Variants in PCDHA4 observed in about 807,000 individuals in gnomAD.
The protein encoded by PCDHA4 is protocadherin alpha-4.
PCDHA4 carries 49 observed loss-of-function variants against 61.4 expected under a neutral mutation model. That is an observed-to-expected ratio of 0.80 (90% CI 0.63 to 1.01). PCDHA4 has a LOEUF of 1.01. PCDHA4 is among the 50% of genes least tolerant of loss of function. PCDHA4 has a pLI of 0.00. For synonymous variants in PCDHA4, 590 were observed against 550.3 expected (o/e 1.07, Z -1.01); for missense variants, 1,254 against 1,235.8 (o/e 1.01, Z -0.22).
intron 1 of PCDHA4, among the ~76,000 whole-genome samples, chr5:140,935,451 T>C (rs2090381894): frequency 6.6e-6 from 1 of 152,232 alleles, no homozygotes; most frequent in African/African-American, 2.4e-5. Context: ...AATATGATAC[T>C]GTAGCAGTTT....
At chr5:140,956,297 G>A (rs1449094533) in intron 1 of PCDHA4, among the ~76,000 whole-genome samples, 1 of 151,928 alleles carries the variant, frequency 6.6e-6, no homozygotes, top group African/African-American at 2.4e-5. Context: ...TCATATATAT[G>A]GCTCTTATTA....
At chr5:140,861,303 GA>G in intron 1 of PCDHA4, 1 of 189,594 alleles carries the variant, frequency 5.3e-6, no homozygotes. Context: ...TGTGAAGCGG[GA>G]AAGGACCAGT....
intron 1 of PCDHA4, chr5:140,883,909 C>T: frequency 6.2e-7 from 1 of 1,613,472 alleles, no homozygotes; most frequent in Non-Finnish European, 8.5e-7. Flanking sequence ...CTCTGGGCAG[C>T]AACGTGACGC....
chr5:140,898,206 T>G (rs1554187858), intron 1 of PCDHA4, among the ~76,000 whole-genome samples: 2 of 152,214 alleles, frequency 1.3e-5, no homozygotes. Context: ...AGATCCCATT[T>G]GTCAATTTTG....
rs782133260 is a variant in PCDHA4 at position 140,856,504 on chromosome 5, A to G, written c.2385+46932A>G. 3.8e-6 allele frequency: 6 copies of G among 1,598,348 alleles called. 1 individual carries two copies. The highest frequency in any genetic ancestry group is 8.6e-7 in the Non-Finnish European group (1 of 1,167,852). ...CCAGACTGCTTGACTCTCGATTTCC[A>G]CTAGAAGGCGCATCTGATGCGGATG... On this transcript the variant is annotated intron_variant, in intron 1 of 3. Transcript: ENST00000530339.
chr5:140,928,219 C>T (rs2153594773), intron 1 of PCDHA4: 1 of 1,614,166 alleles, frequency 6.2e-7, no homozygotes, highest in African/African-American at 1.3e-5. Flanking sequence ...TGACAATACA[C>T]CAAACTTTCC....
At chr5:140,928,034 G>A in intron 1 of PCDHA4, 1 of 1,614,206 alleles carries the variant, frequency 6.2e-7, no homozygotes, top group South Asian at 1.1e-5. Flanking sequence ...GGCATGTCTA[G>A]TGCAGGCCCT....
intron 1 of PCDHA4, chr5:140,860,073 G>A (rs1441059020): frequency 4.0e-5 from 6 of 151,782 alleles, no homozygotes; most frequent in African/African-American, 1.5e-4. Flanking sequence ...AGGATGGTTT[G>A]AGGCCAGGAG....
At chr5:140,954,237 A>G (rs1442141242) in intron 1 of PCDHA4, among the ~76,000 whole-genome samples, 14 of 152,338 alleles carry the variant, frequency 9.2e-5, no homozygotes, top group Middle Eastern at 3.4e-3. Flanking sequence ...TAGTGCTGCA[A>G]TGAACATACA....
chr5:141,001,130 T>C (rs1233424080), intron 3 of PCDHA4, among the ~76,000 whole-genome samples: 1 of 152,036 alleles, frequency 6.6e-6, no homozygotes, highest in African/African-American at 2.4e-5. Context: ...CTTAAACAAA[T>C]GAATCTTCTG....
intron 3 of PCDHA4, among the ~76,000 whole-genome samples, chr5:141,005,360 A>G (rs1215157808): frequency 6.6e-6 from 1 of 152,184 alleles, no homozygotes; most frequent in Non-Finnish European, 1.5e-5. Flanking sequence ...TAGGAATGTC[A>G]TAGAATGCCT....
rs1554217734 is a variant in PCDHA4 at position 140,946,611 on chromosome 5, A to AATATATATATATATATATATATATATAT, written c.2386-32317_2386-32316insTATATATATATATATATATATATATATA. Among the ~76,000 whole-genome samples, 579 of 86,182 alleles carry AATATATATATATATATATATATATATAT rather than the reference A, an allele frequency of 6.7e-3. 16 individuals are homozygous for AATATATATATATATATATATATATATAT. The highest frequency in any genetic ancestry group is 0.011 in the Middle Eastern group (2 of 184). 56.5% of individuals were successfully genotyped at this position (86,182 alleles called of 152,430 possible). A position where few individuals can be genotyped will look rare whatever the true frequency, so the allele number is the denominator to read the frequency against. On this transcript the variant is annotated intron_variant, in intron 1 of 3. Transcript: ENST00000530339. ...GGATGAATAGATAAAGAAAATGTGA[A>AATATATATATATATATATATATATATAT]ATATATATATATATATATATACAAT...
chr5:140,998,908 G>A (rs1203319313), intron 3 of PCDHA4, among the ~76,000 whole-genome samples: 2 of 152,162 alleles, frequency 1.3e-5, no homozygotes, highest in East Asian at 1.9e-4. Context: ...CCTCCGGGAG[G>A]TAGCTATTAT....
At chr5:140,844,885 T>C (rs1288231752) in intron 1 of PCDHA4, among the ~76,000 whole-genome samples, 1 of 149,522 alleles carries the variant, frequency 6.7e-6, no homozygotes, top group Non-Finnish European at 1.5e-5. Flanking sequence ...TTAGACTTCG[T>C]GCATATTGCT....
At chr5:140,822,339 G>A (rs1347495985) in intron 1 of PCDHA4, 6 of 1,613,926 alleles carry the variant, frequency 3.7e-6, no homozygotes, top group Non-Finnish European at 4.2e-6. Flanking sequence ...AAGAAGAAAC[G>A]AACTTTTTAG....
intron 1 of PCDHA4, among the ~76,000 whole-genome samples, chr5:140,959,594 A>G (rs1420498368): frequency 6.6e-6 from 1 of 152,220 alleles, no homozygotes; most frequent in African/African-American, 2.4e-5. Flanking sequence ...TCAGCCAAGT[A>G]TAACATGCTT....
At chr5:140,890,822 A>G (rs1044008204) in intron 1 of PCDHA4, among the ~76,000 whole-genome samples, 1 of 152,186 alleles carries the variant, frequency 6.6e-6, no homozygotes, top group Non-Finnish European at 1.5e-5. Context: ...TTTTAAATGT[A>G]CTTACATATT....
Position 140,807,982 on chromosome 5 carries a change from C to T in PCDHA4, c.795C>T (p.Asn265=). 5.6e-6 allele frequency: 9 copies of T among 1,613,432 alleles called. No individual in the cohort carries two copies. Among genetic ancestry groups the T allele is most frequent in the Non-Finnish European group, 7.6e-6 (9 of 1,179,400 alleles). The change falls in exon 1 of 4, where the codon AAC becomes AAT. Residue 265 remains asparagine (N), a synonymous_variant. Transcript: ENST00000530339. ...VPNGTLVIKL[N]ASDLDEGLNG... ...ATGGAACATTGGTAATTAAACTTAA[C>T]GCCTCAGATTTAGACGAAGGATTGA...
At chr5:140,822,488 C>T (rs2150116764) in intron 1 of PCDHA4, 5 of 1,613,604 alleles carry the variant, frequency 3.1e-6, no homozygotes, top group Middle Eastern at 1.6e-4. Context: ...AATGATAACG[C>T]CCCAGAATTT....
Sources: allele counts gnomAD v4.1 joint callset (sites outside exome capture counted in the v4.1 genomes callset), GRCh38; gene constraint gnomAD v4.1.1; transcripts MANE v1.5; gene names NCBI Gene and HGNC (gene_info 2026-07-23, HGNC 2026-07-21).